Variants in MYZAP observed in about 807,000 individuals in gnomAD.
The protein encoded by MYZAP is myocardial zonula adherens protein.
A neutral mutation model predicts 69.4 loss-of-function variants in MYZAP; 66 were observed. The ratio of observed to expected loss-of-function variants is 0.95; its 90% confidence interval spans 0.78 to 1.17. MYZAP has a LOEUF of 1.17. MYZAP is among the 50% of genes most tolerant of loss of function. The probability of loss-of-function intolerance (pLI) is 0.00; values close to 1 mark genes in which losing one functional copy is unlikely to be tolerated. For synonymous variants in MYZAP, 256 were observed against 205.9 expected (o/e 1.24, Z -2.09); for missense variants, 611 against 556.2 (o/e 1.10, Z -0.99).
At chr15:57,660,649 A>AGGATTTTTG (rs1408566676) in intron 10 of MYZAP, among the ~76,000 whole-genome samples, 5 of 152,160 alleles carry the variant, frequency 3.3e-5, no homozygotes, top group African/African-American at 7.2e-5. Flanking sequence ...TTGTGAGCAC[A>AGGATTTTTG]CAAATTTAAT....
chr15:57,678,731 G>A (rs1048786881), intron 12 of MYZAP, among the ~76,000 whole-genome samples: 18 of 152,252 alleles, frequency 1.2e-4, no homozygotes, highest in East Asian at 3.9e-4. Flanking sequence ...TGGCCCCTGC[G>A]TGCTGTAGGC....
intron 8 of MYZAP, among the ~76,000 whole-genome samples, chr15:57,635,917 A>C (rs1459849236): frequency 2.0e-5 from 3 of 152,200 alleles, no homozygotes; most frequent in African/African-American, 7.2e-5. Context: ...GATCAGTAAA[A>C]ATCTTTTAAG....
rs80284981 is a variant in MYZAP, at chr15:57,650,927, A to G, written c.1120-10523A>G. Among the ~76,000 whole-genome samples, 128 of 152,366 alleles carry G rather than the reference A, an allele frequency of 8.4e-4. 1 individual carries two copies. In the East Asian group the frequency reaches 0.014, roughly 17 times the overall value. On this transcript the variant is annotated intron_variant, in intron 10 of 12. Coordinates refer to ENST00000267853, the MANE Select transcript of MYZAP (RefSeq NM_001018100.5). ...AGGGAGTGAGAAATGAAGAGGCTAG[A>G]AATATAGGTTGACACCAATTGTGAT...
intron 4 of MYZAP, among the ~76,000 whole-genome samples, chr15:57,624,575 G>A (rs1191972593): frequency 6.6e-6 from 1 of 152,308 alleles, no homozygotes; most frequent in South Asian, 2.1e-4. Context: ...AGACACCAAT[G>A]ACTGTCATCA....
intron 1 of MYZAP, among the ~76,000 whole-genome samples, chr15:57,596,886 C>G (rs2034095727): frequency 6.6e-6 from 1 of 152,178 alleles, no homozygotes; most frequent in Admixed American, 6.5e-5. Context: ...TTCTCGTGTT[C>G]CCCTAGAGGC....
chr15:57,677,590 G>T (rs1373991431), intron 12 of MYZAP, among the ~76,000 whole-genome samples: 1 of 152,184 alleles, frequency 6.6e-6, no homozygotes, highest in African/African-American at 2.4e-5. Flanking sequence ...AAGATTCCAT[G>T]GTATTGTCCA....
At chr15:57,671,644 C>A (rs183950105) in intron 11 of MYZAP, among the ~76,000 whole-genome samples, 1 of 151,884 alleles carries the variant, frequency 6.6e-6, no homozygotes, top group Non-Finnish European at 1.5e-5. Context: ...TGACTTTTTC[C>A]TTTACCATCT....
chr15:57,621,570 A>C, intron 3 of MYZAP, 38 bp from the exon 4 acceptor site: 7 of 1,600,192 alleles, frequency 4.4e-6, no homozygotes, highest in South Asian at 1.1e-5. Context: ...TGAAAATGTT[A>C]TGGCTTGATC....
At chr15:57,594,408 G>C in intron 1 of MYZAP, among the ~76,000 whole-genome samples, 1 of 152,186 alleles carries the variant, frequency 6.6e-6, no homozygotes, top group African/African-American at 2.4e-5. Context: ...GAGCCACCCA[G>C]CCCCGCCTAC....
At chr15:57,624,858 A>T (rs1350841885) in intron 4 of MYZAP, among the ~76,000 whole-genome samples, 4 of 152,108 alleles carry the variant, frequency 2.6e-5, no homozygotes, top group Non-Finnish European at 5.9e-5. Context: ...TCCACTCCCC[A>T]GAGTGCACCT....
chr15:57,621,637 G>C lies in MYZAP; in HGVS notation c.348G>C (p.Lys116Asn). The C allele has an allele frequency of 1.2e-6, 2 of 1,613,790 alleles. No individual in the cohort carries two copies. Among genetic ancestry groups the C allele is most frequent in the Non-Finnish European group, 1.7e-6 (2 of 1,179,786 alleles). The change falls in exon 4 of 13, where the codon AAG (lysine) becomes AAC (asparagine). Residue 116 changes from lysine (K) to asparagine (N), a missense_variant. Physicochemically the swap from Lys to Asn is moderately conservative, Grantham distance 94. Transcript: ENST00000267853. ...DVRATLEKVR[K>N]RMYGDYDEMR... Reference sequence around the variant, plus strand: ...GAGCCACTTTGGAAAAGGTGAGAAAGCGAATGTATGGAGACTATGATGAGA... The same window carrying C: ...GAGCCACTTTGGAAAAGGTGAGAAACCGAATGTATGGAGACTATGATGAGA...
intron 12 of MYZAP, 123 bp from the exon 13 acceptor site, chr15:57,684,279 G>A: frequency 3.0e-6 from 2 of 673,566 alleles, no homozygotes; most frequent in Non-Finnish European, 5.2e-6. Flanking sequence ...ATATTAAGCT[G>A]CATTATTGTC....
intron 12 of MYZAP, among the ~76,000 whole-genome samples, chr15:57,679,714 T>G (rs142817670): frequency 2.2e-3 from 331 of 152,292 alleles, no homozygotes; most frequent in Non-Finnish European, 4.3e-3. Context: ...TGGCTCTATC[T>G]TGGTTCCGGT....
rs746101335 is a variant in MYZAP at position 57,618,149 on chromosome 15, C to T, written c.279C>T (p.Ser93=). ...QQKEMVVYGW[S]TSQLKEEMNY... ...AAGAAATGGTGGTGTATGGGTGGTC[C>T]ACCAGTCAGCTGAAAGAAGAGATGA... is the stretch of plus-strand genomic sequence containing the variant. Residue 93 remains serine, a synonymous_variant, in exon 3 of 13, where the codon TCC becomes TCT. Coordinates refer to ENST00000267853, the MANE Select transcript of MYZAP (RefSeq NM_001018100.5). 3.7e-6 allele frequency: 6 copies of T among 1,613,876 alleles called. No individual in the cohort carries two copies. The African/African-American group carries it at 5.3e-5, about 14-fold the overall frequency.
rs59322468 is a variant in MYZAP, at chr15:57,629,971, A to ATTTTTTTTTTTTTTTTTT, written c.678+132_678+133insTTTTTTTTTTTTTTTTTT. The ATTTTTTTTTTTTTTTTTT allele has an allele frequency of 2.5e-5, 22 of 875,250 alleles. 5 individuals carry two copies. In the African/African-American group the frequency reaches 3.7e-4, roughly 15 times the overall value. 54.2% of individuals were successfully genotyped at this position (875,250 alleles called of 1,614,324 possible). On this transcript the variant is annotated intron_variant, in intron 6 of 12. Transcript: ENST00000267853. ...TTTTCTCCATTCTCTTCTTCATTGG[A>ATTTTTTTTTTTTTTTTTT]TTTTTTTTTTTTTTTGAGACAGAGT... is the stretch of plus-strand genomic sequence containing the variant.
intron 2 of MYZAP, among the ~76,000 whole-genome samples, chr15:57,615,138 A>G (rs1197174195): frequency 2.0e-5 from 3 of 152,166 alleles, no homozygotes; most frequent in African/African-American, 4.8e-5. Flanking sequence ...CAAATGTTCA[A>G]TTCAAACATA....
chr15:57,660,425 C>T (rs1394446234), intron 10 of MYZAP, among the ~76,000 whole-genome samples: 1 of 152,098 alleles, frequency 6.6e-6, no homozygotes, highest in East Asian at 1.9e-4. Flanking sequence ...AGCAATCCTC[C>T]CACCTCAGCC....
intron 1 of MYZAP, among the ~76,000 whole-genome samples, chr15:57,598,248 C>A (rs1171149135): frequency 1.3e-5 from 2 of 152,096 alleles, no homozygotes; most frequent in Non-Finnish European, 2.9e-5. Flanking sequence ...CCATGTAGCT[C>A]CCCAGGGGCC....
intron 2 of MYZAP, among the ~76,000 whole-genome samples, chr15:57,616,821 G>GTTTTT (rs1595870389): frequency 1.9e-5 from 1 of 53,316 alleles, no homozygotes; most frequent in African/African-American, 9.0e-5. Context: ...AAAAAAAAGT[G>GTTTTT]CTTTTTTTTT....
Sources: allele counts gnomAD v4.1 joint callset (sites outside exome capture counted in the v4.1 genomes callset), GRCh38; gene constraint gnomAD v4.1.1; transcripts MANE v1.5; gene names NCBI Gene and HGNC (gene_info 2026-07-23, HGNC 2026-07-21).